The following SEMA4D variants were observed in gnomAD, a reference collection of about 807,000 sequenced individuals.
SEMA4D encodes the protein semaphorin-4D.
SEMA4D carries 22 observed loss-of-function variants against 74.8 expected under a neutral mutation model. The ratio of observed to expected loss-of-function variants is 0.29; its 90% CI spans 0.21 to 0.42. The LOEUF is 0.42. Ranked by LOEUF, SEMA4D falls within the 10% of genes least tolerant of loss-of-function variation. The pLI, the probability that SEMA4D is intolerant of heterozygous loss-of-function variation, is 1.00. For synonymous variants in SEMA4D, 445 were observed against 463.7 expected (o/e 0.96, Z 0.52); for missense variants, 937 against 1,118.4 (o/e 0.84, Z 2.31).
intron 1 of SEMA4D, among the ~76,000 whole-genome samples, chr9:89,466,221 C>T (rs1858660621): frequency 6.6e-6 from 1 of 152,174 alleles, no homozygotes; most frequent in Non-Finnish European, 1.5e-5. Context: ...CTCAATGACA[C>T]ACACAAACAT....
At chr9:89,390,477 T>C (rs1264692119) in intron 9 of SEMA4D, among the ~76,000 whole-genome samples, 1 of 152,168 alleles carries the variant, frequency 6.6e-6, no homozygotes, top group African/African-American at 2.4e-5. Context: ...CCAACCTTCT[T>C]CCTTATGCAA....
At chr9:89,457,830 G>C (rs951931983) in intron 1 of SEMA4D, among the ~76,000 whole-genome samples, 1 of 151,532 alleles carries the variant, frequency 6.6e-6, no homozygotes, top group East Asian at 2.0e-4. Context: ...TTAGGAGATC[G>C]AGACCATCCT....
At chr9:89,385,328 A>C in intron 13 of SEMA4D, 2 of 985,296 alleles carry the variant, frequency 2.0e-6, no homozygotes, top group Non-Finnish European at 2.4e-6. Context: ...CACATTTTAG[A>C]GATGTTGTAG....
At chr9:89,477,847 C>T (rs984627897) in intron 1 of SEMA4D, among the ~76,000 whole-genome samples, 8 of 152,202 alleles carry the variant, frequency 5.3e-5, no homozygotes, top group Admixed American at 5.2e-4. Flanking sequence ...CACTAAATAT[C>T]CAACAAGTAT....
chr9:89,491,635 C>G (rs768282804), intron 1 of SEMA4D, among the ~76,000 whole-genome samples: 5 of 152,164 alleles, frequency 3.3e-5, no homozygotes, highest in Non-Finnish European at 7.4e-5. Context: ...GTTCCAGATG[C>G]CAGGGAGACT....
intron 1 of SEMA4D, among the ~76,000 whole-genome samples, chr9:89,470,536 C>T (rs566030443): frequency 6.6e-6 from 1 of 152,292 alleles, no homozygotes; most frequent in South Asian, 2.1e-4. Flanking sequence ...ATGGTACCGC[C>T]ACACTAGAAA....
intron 2 of SEMA4D, among the ~76,000 whole-genome samples, chr9:89,419,814 G>C (rs763094196): frequency 3.9e-5 from 6 of 152,094 alleles, no homozygotes; most frequent in African/African-American, 9.7e-5. Flanking sequence ...CTACTTGGGA[G>C]GCTGAGGCAG....
downstream of SEMA4D, among the ~76,000 whole-genome samples, chr9:89,375,847 C>T (rs1835718394): frequency 6.6e-6 from 1 of 152,222 alleles, no homozygotes; most frequent in South Asian, 2.1e-4. Flanking sequence ...ACTAGACTCT[C>T]AATCTTTTCT....
intron 13 of SEMA4D, chr9:89,384,830 C>T: frequency 1.0e-6 from 1 of 985,420 alleles, no homozygotes; most frequent in Non-Finnish European, 1.2e-6. Context: ...CTTTTTACCA[C>T]TGAACAGCCA....
chr9:89,467,073 C>T (rs1036536055), intron 1 of SEMA4D, among the ~76,000 whole-genome samples: 2 of 152,204 alleles, frequency 1.3e-5, no homozygotes, highest in African/African-American at 4.8e-5. Flanking sequence ...CGGGGGTTGT[C>T]CCCCTTGTTG....
At chr9:89,471,394 G>A (rs890823964) in intron 1 of SEMA4D, among the ~76,000 whole-genome samples, 5 of 152,180 alleles carry the variant, frequency 3.3e-5, no homozygotes, top group African/African-American at 1.2e-4. Flanking sequence ...AAAAACTCAT[G>A]TTCTTCCACA....
At chr9:89,476,576 C>T (rs1466869540) in intron 1 of SEMA4D, among the ~76,000 whole-genome samples, 2 of 152,312 alleles carry the variant, frequency 1.3e-5, no homozygotes, top group South Asian at 2.1e-4. Context: ...CTCCAGACAG[C>T]CTTCCATTGA....
In SEMA4D at chr9:89,392,483, T is replaced by C. The variant is rs1388859026; in HGVS notation, c.562A>G (p.Ile188Val). 1.2e-6 allele frequency: 2 copies of C among 1,613,920 alleles called. No individual in the cohort carries two copies. Among genetic ancestry groups the C allele is most frequent in the Non-Finnish European group, 1.7e-6 (2 of 1,179,854 alleles). ...SYNFLGSEPIISRNSSHSPLR... is the reference protein window; with the variant it reads ...SYNFLGSEPIVSRNSSHSPLR... ...GGACTGTGGGAAGAATTTCGGGAGA[T>C]GATGGGTTCACTTCCCAAAAAATTA... Residue 188 changes from isoleucine to valine, a missense_variant, in exon 8 of 16, where the codon ATC becomes GTC. Transcript: ENST00000422704.
At chr9:89,418,829 G>C (rs1846264333) in intron 2 of SEMA4D, 1 of 152,392 alleles carries the variant, frequency 6.6e-6, no homozygotes, top group East Asian at 1.9e-4. Flanking sequence ...CAGGAGCCAC[G>C]TAATTGTTAA....
At chr9:89,461,738 TCC>T (rs1857311338) in intron 1 of SEMA4D, among the ~76,000 whole-genome samples, 1 of 133,558 alleles carries the variant, frequency 7.5e-6, no homozygotes, top group Non-Finnish European at 1.6e-5. Context: ...AGTCTCGCTC[TCC>T]CTCCCAGGCT....
intron 4 of SEMA4D, among the ~76,000 whole-genome samples, chr9:89,400,366 T>G (rs767434720): frequency 3.3e-5 from 5 of 152,262 alleles, no homozygotes; most frequent in African/African-American, 7.2e-5. Flanking sequence ...CCCCTCTCTC[T>G]GTGATGTTCC....
chr9:89,465,857 C>T (rs1175228529), intron 1 of SEMA4D, among the ~76,000 whole-genome samples: 2 of 152,196 alleles, frequency 1.3e-5, no homozygotes, highest in African/African-American at 2.4e-5. Flanking sequence ...GCTGCCTATG[C>T]CCAAGTCCAA....
intron 1 of SEMA4D, among the ~76,000 whole-genome samples, chr9:89,478,808 T>C (rs908893337): frequency 1.0e-5 from 1 of 96,166 alleles, no homozygotes; most frequent in Non-Finnish European, 2.1e-5. Flanking sequence ...TCCCCCTCCT[T>C]GGGCAGCCAC....
intron 16 of SEMA4D, among the ~76,000 whole-genome samples, chr9:89,370,492 G>A (rs1156690214): frequency 6.7e-6 from 1 of 150,330 alleles, no homozygotes; most frequent in Non-Finnish European, 1.5e-5. Flanking sequence ...GTGTATGAAG[G>A]AGGTATGGTG....
Sources: allele counts gnomAD v4.1 joint callset (sites outside exome capture counted in the v4.1 genomes callset), GRCh38; gene constraint gnomAD v4.1.1; transcripts MANE v1.5; gene names NCBI Gene and HGNC (gene_info 2026-07-23, HGNC 2026-07-21).